Variants in ETV6 observed in about 807,000 individuals in gnomAD.
The protein encoded by ETV6 is transcription factor ETV6.
In ETV6, 16 loss-of-function variants were observed where a neutral mutation model predicts 51.1. The observed-to-expected ratio is 0.31, with a 90% CI of 0.21 to 0.48. The LOEUF is 0.48. ETV6 is among the 20% of genes least tolerant of loss of function. The pLI is 0.99. For missense variants in ETV6, 458 were observed against 594.8 expected, an observed-to-expected ratio of 0.77 and a Z score of 2.39; for synonymous variants, 240 against 224.1, an observed-to-expected ratio of 1.07 and a Z score of -0.64.
At chr12:11,855,919 A>G (rs1206217280) in intron 4 of ETV6, among the ~76,000 whole-genome samples, 1 of 152,234 alleles carries the variant, frequency 6.6e-6, no homozygotes, top group Non-Finnish European at 1.5e-5. Flanking sequence ...GAAGCTTGAC[A>G]TTAAGGCAAG....
chr12:11,878,218 G>C lies in ETV6; in HGVS notation c.1010-6227G>C, dbSNP rs532206655. On this transcript the variant is annotated intron_variant, in intron 5 of 7. Coordinates refer to ENST00000396373, the MANE Select transcript of ETV6 (RefSeq NM_001987.5). ...GCTGAGTCACTGCATTTGATTTTCA[G>C]TGTGAACAACTGAGAAATCAAAGAG... 7.9e-5 allele frequency among the ~76,000 whole-genome samples: 12 copies of C among 152,322 alleles called. No homozygotes were observed. In the East Asian group the frequency reaches 2.3e-3, roughly 29 times the overall value.
chr12:11,766,200 T>C (rs1245865767), intron 2 of ETV6, among the ~76,000 whole-genome samples: 8 of 152,324 alleles, frequency 5.3e-5, no homozygotes, highest in Non-Finnish European at 1.5e-5. Context: ...CCAAAGTTTC[T>C]TGAAGCAGCT....
chr12:11,669,383 C>CTCCT (rs374133254), intron 1 of ETV6, among the ~76,000 whole-genome samples: 1 of 148,196 alleles, frequency 6.7e-6, no homozygotes, highest in Non-Finnish European at 1.5e-5. Context: ...TCCTCCCTCC[C>CTCCT]TCCCTCCCTC....
chr12:11,748,988 G>A (rs1423435919), intron 1 of ETV6, among the ~76,000 whole-genome samples: 1 of 151,878 alleles, frequency 6.6e-6, no homozygotes, highest in African/African-American at 2.4e-5. Context: ...GCTTTGTGCC[G>A]CCTCCTTGAC....
At chr12:11,749,459 C>A (rs745984167) in intron 1 of ETV6, among the ~76,000 whole-genome samples, 1 of 152,084 alleles carries the variant, frequency 6.6e-6, no homozygotes, top group African/African-American at 2.4e-5. Context: ...TTGTTGGGGT[C>A]GCACCAGAGA....
chr12:11,894,359 A>G lies in ETV6; in HGVS notation c.*3313A>G, dbSNP rs1313997292. ...AAGCTAGCCAGGCAGTCTCCTCTCT[A>G]TCAGAAGAAAGCACTGGTAATTGGC... On this transcript the variant is annotated 3_prime_UTR_variant, in exon 8 of 8. Transcript: ENST00000396373. 2 of 233,060 alleles carry G rather than the reference A, an allele frequency of 8.6e-6. No individual in the cohort carries two copies. Among genetic ancestry groups the G allele is most frequent in the Non-Finnish European group, 1.7e-5 (2 of 117,934 alleles). The allele number at this position is 233,060 out of a possible 1,614,324, so 14.4% of individuals were successfully genotyped here.
intron 1 of ETV6, among the ~76,000 whole-genome samples, chr12:11,721,845 T>C (rs147529251): frequency 5.8e-4 from 88 of 152,320 alleles, no homozygotes; most frequent in African/African-American, 2.1e-3. Flanking sequence ...GAGTAAAATA[T>C]TAAGATGTAC....
At chr12:11,707,191 T>C (rs1418655502) in intron 1 of ETV6, among the ~76,000 whole-genome samples, 1 of 152,144 alleles carries the variant, frequency 6.6e-6, no homozygotes, top group Non-Finnish European at 1.5e-5. Flanking sequence ...TAAAGGAGGC[T>C]AGACGTGAAA....
intron 5 of ETV6, among the ~76,000 whole-genome samples, chr12:11,873,173 G>A (rs1946910684): frequency 6.6e-6 from 1 of 152,104 alleles, no homozygotes; most frequent in Non-Finnish European, 1.5e-5. Flanking sequence ...CCACTGAAAG[G>A]CATTGTTTTT....
intron 2 of ETV6, among the ~76,000 whole-genome samples, chr12:11,781,793 ACTC>A (rs1169664896): frequency 6.6e-6 from 1 of 151,368 alleles, no homozygotes; most frequent in African/African-American, 2.4e-5. Context: ...CCTTCTATAA[ACTC>A]CTCTTTCCTA....
At chr12:11,719,315 A>G (rs1865338411) in intron 1 of ETV6, among the ~76,000 whole-genome samples, 1 of 152,280 alleles carries the variant, frequency 6.6e-6, no homozygotes, top group Admixed American at 6.5e-5. Context: ...GTTATCTCAC[A>G]GTCCCTTTGG....
At chr12:11,738,942 G>A (rs1865759600) in intron 1 of ETV6, among the ~76,000 whole-genome samples, 5 of 152,162 alleles carry the variant, frequency 3.3e-5, no homozygotes, top group Admixed American at 3.3e-4. Context: ...GTTCAGGATT[G>A]ACCCAGATGA....
intron 6 of ETV6, among the ~76,000 whole-genome samples, chr12:11,884,894 T>C (rs1947162227): frequency 6.6e-6 from 1 of 152,184 alleles, no homozygotes; most frequent in Non-Finnish European, 1.5e-5. Context: ...TGTTAGGAAC[T>C]GGGTAAAAGG....
At position 11,876,963 on chromosome 12, in the gene ETV6, T is replaced by C. The variant is rs957714712; in HGVS notation, c.1009+6994T>C. ...GTGACTTTAAAAAATACTTTTACTA[T>C]CTCTCAAGGTTACATCCTTAACAGA... is the stretch of plus-strand genomic sequence containing the variant. On this transcript the variant is annotated intron_variant, in intron 5 of 7. Transcript: ENST00000396373. Among the ~76,000 whole-genome samples the C allele has an allele frequency of 3.3e-5, 5 of 152,284 alleles. No individual in the cohort carries two copies. In the South Asian group the frequency reaches 1.0e-3, roughly 32 times the overall value.
At chr12:11,844,864 G>T (rs1161795618) in intron 3 of ETV6, among the ~76,000 whole-genome samples, 2 of 150,722 alleles carry the variant, frequency 1.3e-5, no homozygotes, top group African/African-American at 2.4e-5. Context: ...ATGGATTCTC[G>T]CTCTGTCGCC....
chr12:11,812,761 C>T (rs1385529548), intron 2 of ETV6, among the ~76,000 whole-genome samples: 3 of 152,096 alleles, frequency 2.0e-5, no homozygotes, highest in South Asian at 2.1e-4. Flanking sequence ...GAGGCTCCTG[C>T]GTGAAGGCCT....
rs547801759 is a variant in ETV6 at position 11,703,475 on chromosome 12, T to TA, written c.34-48964dup. Among the ~76,000 whole-genome samples, 991 of 144,998 alleles carry TA rather than the reference T, an allele frequency of 6.8e-3. 5 individuals carry two copies. Among genetic ancestry groups the TA allele is most frequent in the African/African-American group, 0.021 (836 of 39,746 alleles). On this transcript the variant is annotated intron_variant, in intron 1 of 7. Transcript: ENST00000396373. ...GGACAGACTTTATCATCTTCAATAT[T>TA]AAAAAAAAAAACAGAAGGATATTTA...
chr12:11,724,805 A>C (rs1324320316), intron 1 of ETV6, among the ~76,000 whole-genome samples: 1 of 152,236 alleles, frequency 6.6e-6, no homozygotes, highest in Admixed American at 6.5e-5. Flanking sequence ...AGGTCCTTGC[A>C]CGAGACCCTT....
chr12:11,701,145 T>C (rs994998068), intron 1 of ETV6, among the ~76,000 whole-genome samples: 3 of 152,142 alleles, frequency 2.0e-5, no homozygotes, highest in African/African-American at 7.2e-5. Flanking sequence ...ATACATAATA[T>C]AAAATTTGCC....
Sources: gnomAD v4.1 joint callset for allele counts (sites outside exome capture counted in the v4.1 genomes callset) on GRCh38, gnomAD v4.1.1 for gene constraint, MANE v1.5 for transcripts, NCBI Gene and HGNC (gene_info 2026-07-23, HGNC 2026-07-21) for gene names.